The following ADCY2 variants were observed in gnomAD, a reference collection of about 807,000 sequenced individuals.
The protein encoded by ADCY2 is adenylate cyclase type 2.
Under a neutral mutation model 125.2 loss-of-function variants are expected in ADCY2, and 31 were observed. The ratio of observed to expected loss-of-function variants is 0.25; its 90% CI spans 0.19 to 0.33. The LOEUF (loss-of-function observed/expected upper bound fraction) is 0.33, where lower values mean the gene tolerates loss of function less well. ADCY2 is among the 10% of genes least tolerant of loss of function. The pLI is 1.00. For missense variants in ADCY2, 904 were observed against 1,418.2 expected, an observed-to-expected ratio of 0.64 and a Z score of 5.82; for synonymous variants, 512 against 548.4, an observed-to-expected ratio of 0.93 and a Z score of 0.93.
At chr5:7,656,737 G>A (rs1739346364) in intron 4 of ADCY2, among the ~76,000 whole-genome samples, 1 of 152,220 alleles carries the variant, frequency 6.6e-6, no homozygotes, top group African/African-American at 2.4e-5. Context: ...GACTCAGGCA[G>A]ATGTGCGATT....
chr5:7,701,832 A>T (rs1191195513), intron 7 of ADCY2, among the ~76,000 whole-genome samples: 1 of 152,058 alleles, frequency 6.6e-6, no homozygotes, highest in Non-Finnish European at 1.5e-5. Flanking sequence ...GCACCTTTTG[A>T]TGCTTTTAGT....
chr5:7,774,456 C>T (rs943920264), intron 18 of ADCY2, among the ~76,000 whole-genome samples: 62 of 152,184 alleles, frequency 4.1e-4, no homozygotes, highest in African/African-American at 1.3e-3. Flanking sequence ...TTGATTTTCA[C>T]GCGCAGCTGA....
At chr5:7,805,884 T>A (rs187250123) in intron 22 of ADCY2, among the ~76,000 whole-genome samples, 1 of 152,344 alleles carries the variant, frequency 6.6e-6, no homozygotes, top group Admixed American at 6.5e-5. Context: ...TGGAGTGATA[T>A]GTATTCCATT....
chr5:7,759,911 G>C (rs1268187910), intron 16 of ADCY2, among the ~76,000 whole-genome samples: 1 of 151,892 alleles, frequency 6.6e-6, no homozygotes, highest in South Asian at 2.1e-4. Flanking sequence ...GAATAGGGTT[G>C]GGGGGTGGGG....
chr5:7,475,660 G>T (rs1241644421), intron 2 of ADCY2, among the ~76,000 whole-genome samples: 2 of 152,178 alleles, frequency 1.3e-5, no homozygotes, highest in Non-Finnish European at 2.9e-5. Context: ...AGGATTACAG[G>T]CATGAGCCAC....
intron 18 of ADCY2, among the ~76,000 whole-genome samples, chr5:7,783,148 G>A (rs1397025798): frequency 6.6e-6 from 1 of 152,106 alleles, no homozygotes; most frequent in South Asian, 2.1e-4. Context: ...TTGCACTTGA[G>A]TCTTTCTTTC....
rs1156689884 is a variant in ADCY2 at position 7,828,032 on chromosome 5, AC to A, written c.*1162del. 9 of 152,824 alleles carry A rather than the reference AC, an allele frequency of 5.9e-5. No homozygotes were observed. The highest frequency in any genetic ancestry group is 5.2e-4 in the Admixed American group (8 of 15,292). The allele number at this position is 152,824 out of a possible 1,614,324, so 9.5% of individuals were successfully genotyped here. A position where few individuals can be genotyped will look rare whatever the true frequency, so the allele number is the denominator to read the frequency against. On this transcript the variant is annotated 3_prime_UTR_variant, in exon 25 of 25. Coordinates refer to ENST00000338316, the MANE Select transcript of ADCY2 (RefSeq NM_020546.3). The stretch of plus-strand genomic sequence containing the variant: ...GAAGGCTAAAGAAGACACACAGCCA[AC>A]GTTCATGCATTTTTAAAGACAGAAG...
At chr5:7,659,038 C>A (rs1265258296) in intron 4 of ADCY2, among the ~76,000 whole-genome samples, 1 of 151,924 alleles carries the variant, frequency 6.6e-6, no homozygotes, top group Non-Finnish European at 1.5e-5. Context: ...GTAAAATTTA[C>A]CATCACACTG....
chr5:7,419,814 C>CA (rs753083241), intron 2 of ADCY2, among the ~76,000 whole-genome samples: 3 of 152,254 alleles, frequency 2.0e-5, no homozygotes, highest in East Asian at 3.9e-4. Flanking sequence ...CAACATGCAC[C>CA]AAGCACAGAC....
At chr5:7,505,294 C>T (rs868840965) in intron 2 of ADCY2, among the ~76,000 whole-genome samples, 5 of 152,172 alleles carry the variant, frequency 3.3e-5, no homozygotes, top group Non-Finnish European at 5.9e-5. Context: ...CATGTCATGT[C>T]GTAAGGGTGT....
At chr5:7,458,230 A>G (rs1268831302) in intron 2 of ADCY2, among the ~76,000 whole-genome samples, 1 of 152,208 alleles carries the variant, frequency 6.6e-6, no homozygotes, top group African/African-American at 2.4e-5. Flanking sequence ...TTCTTAATTA[A>G]TGAACTTTGG....
At position 7,757,577 on chromosome 5, in the gene ADCY2, G is replaced by A; in HGVS notation, c.2085G>A (p.Val695=). ...ITTAIILMMA[V]FNMFFLSDSE... ...CAGCCATCATATTAATGATGGCCGTGTTCAACATGGTAAGTCCCAGAGCAC... is the reference window on the plus strand; with the variant it reads ...CAGCCATCATATTAATGATGGCCGTATTCAACATGGTAAGTCCCAGAGCAC... Residue 695 remains valine, a synonymous_variant, in exon 16 of 25, where the codon GTG becomes GTA. Transcript: ENST00000338316. 6 of 1,565,718 alleles carry A rather than the reference G, an allele frequency of 3.8e-6. No homozygotes were observed. Among genetic ancestry groups the A allele is most frequent in the Non-Finnish European group, 5.2e-6 (6 of 1,143,940 alleles).
intron 2 of ADCY2, among the ~76,000 whole-genome samples, chr5:7,501,648 C>CCCCG (rs1554014537): frequency 1.2e-5 from 1 of 81,040 alleles, no homozygotes; most frequent in African/African-American, 4.7e-5. Context: ...TTCCCCCCTC[C>CCCCG]CCCCCCCCCC....
chr5:7,465,048 A>G (rs769767447), intron 2 of ADCY2, among the ~76,000 whole-genome samples: 10 of 152,176 alleles, frequency 6.6e-5, no homozygotes, highest in Non-Finnish European at 1.0e-4. Flanking sequence ...TAAAACCATT[A>G]GATCTCATGA....
intron 1 of ADCY2, among the ~76,000 whole-genome samples, chr5:7,398,752 C>T (rs545374167): frequency 5.3e-5 from 8 of 152,334 alleles, no homozygotes; most frequent in South Asian, 2.1e-4. Context: ...AGCTGCAGGA[C>T]CAAGTCGGAA....
chr5:7,700,810 T>C (rs555518553), intron 7 of ADCY2, among the ~76,000 whole-genome samples: 71 of 148,066 alleles, frequency 4.8e-4, no homozygotes, highest in Middle Eastern at 7.1e-3. Flanking sequence ...ACTAGCTCCA[T>C]AGAAAACTCC....
intron 2 of ADCY2, among the ~76,000 whole-genome samples, chr5:7,437,184 A>G (rs1284401870): frequency 6.6e-6 from 1 of 152,202 alleles, no homozygotes; most frequent in Non-Finnish European, 1.5e-5. Flanking sequence ...ACAGCAGCCC[A>G]TGCATGTAAG....
At chr5:7,809,195 A>C (rs538964474) in intron 22 of ADCY2, among the ~76,000 whole-genome samples, 54 of 152,356 alleles carry the variant, frequency 3.5e-4, no homozygotes, top group African/African-American at 1.2e-3. Flanking sequence ...TAGAACAGAG[A>C]TAAGAGTTTT....
intron 7 of ADCY2, among the ~76,000 whole-genome samples, chr5:7,704,627 C>G (rs1384871347): frequency 1.3e-5 from 2 of 152,222 alleles, no homozygotes; most frequent in East Asian, 3.9e-4. Context: ...CACCTGTAAT[C>G]CCAGCACTTT....
Sources: allele counts gnomAD v4.1 joint callset (sites outside exome capture counted in the v4.1 genomes callset), GRCh38; gene constraint gnomAD v4.1.1; transcripts MANE v1.5; gene names NCBI Gene and HGNC (gene_info 2026-07-23, HGNC 2026-07-21).